Variants in CSMD3 observed in about 807,000 individuals in gnomAD.
CSMD3 encodes the protein CUB and Sushi multiple domains 3, also known as CUB and sushi domain-containing protein 3.
CSMD3 carries 177 observed loss-of-function variants against 435.2 expected under a neutral mutation model. That is an observed-to-expected ratio of 0.41 (90% CI 0.36 to 0.46). CSMD3 has a LOEUF of 0.46. Among genes scored for constraint, CSMD3 ranks in the 20% least tolerant of loss-of-function variants. The pLI is 0.34. For missense variants in CSMD3, 4,265 were observed against 4,504.6 expected (o/e 0.95, Z 1.52); for synonymous variants, 1,656 against 1,520.5 (o/e 1.09, Z -2.07).
intron 12 of CSMD3, among the ~76,000 whole-genome samples, chr8:112,819,399 A>G (rs910886038): frequency 6.6e-6 from 1 of 152,192 alleles, no homozygotes; most frequent in African/African-American, 2.4e-5. Flanking sequence ...GAGAAATCAT[A>G]TAAGTCTTAA....
intron 13 of CSMD3, among the ~76,000 whole-genome samples, chr8:112,761,149 A>T (rs909601395): frequency 6.6e-6 from 1 of 152,126 alleles, no homozygotes; most frequent in African/African-American, 2.4e-5. Context: ...ATTTACTAAC[A>T]TAGAGCCAAC....
At chr8:112,335,901 T>G (rs1824513601) in intron 44 of CSMD3, among the ~76,000 whole-genome samples, 1 of 152,080 alleles carries the variant, frequency 6.6e-6, no homozygotes, top group Non-Finnish European at 1.5e-5. Context: ...GATACTTTCT[T>G]TAATACATTT....
chr8:113,236,439 A>G (rs149761389), intron 3 of CSMD3, among the ~76,000 whole-genome samples: 1 of 152,164 alleles, frequency 6.6e-6, no homozygotes, highest in African/African-American at 2.4e-5. Context: ...GCCTACCAGC[A>G]GCACAATAAG....
At chr8:112,929,245 G>C (rs1234492270) in intron 9 of CSMD3, among the ~76,000 whole-genome samples, 3 of 117,792 alleles carry the variant, frequency 2.5e-5, no homozygotes, top group East Asian at 6.0e-4. Flanking sequence ...GGGGAGGGGG[G>C]AGGGATAGCA....
intron 5 of CSMD3, among the ~76,000 whole-genome samples, chr8:113,027,305 C>A (rs1018181941): frequency 6.6e-6 from 1 of 151,892 alleles, no homozygotes; most frequent in Non-Finnish European, 1.5e-5. Flanking sequence ...ATTTTATAGT[C>A]CCAAGAAAAA....
At chr8:112,883,883 A>C (rs527313763) in intron 10 of CSMD3, among the ~76,000 whole-genome samples, 1 of 151,944 alleles carries the variant, frequency 6.6e-6, no homozygotes, top group African/African-American at 2.4e-5. Flanking sequence ...TCAGTACCTT[A>C]ATAAAACCAA....
chr8:113,136,791 A>G (rs112744202), intron 4 of CSMD3, among the ~76,000 whole-genome samples: 9 of 151,772 alleles, frequency 5.9e-5, no homozygotes, highest in African/African-American at 1.9e-4. Flanking sequence ...GACTGGGGAT[A>G]CTGGAGAATG....
chr8:112,609,201 C>CAAAAAAAAGAAAA (rs1833046672), intron 22 of CSMD3, among the ~76,000 whole-genome samples: 1 of 43,106 alleles, frequency 2.3e-5, no homozygotes, highest in African/African-American at 9.5e-5. Context: ...GATACTGCCT[C>CAAAAAAAAGAAAA]AAAAAAAAAA....
intron 2 of CSMD3, among the ~76,000 whole-genome samples, chr8:113,279,489 A>G (rs1016932155): frequency 6.6e-6 from 1 of 151,718 alleles, no homozygotes; most frequent in African/African-American, 2.4e-5. Context: ...TTGAAGCAAT[A>G]TTTAGAACAC....
intron 24 of CSMD3, among the ~76,000 whole-genome samples, chr8:112,571,992 G>A (rs1008850016): frequency 6.6e-6 from 1 of 151,114 alleles, no homozygotes; most frequent in Non-Finnish European, 1.5e-5. Context: ...AAAATCATCA[G>A]TGGCCCTTTT....
chr8:113,417,416 A>G (rs1404883617), intron 1 of CSMD3, among the ~76,000 whole-genome samples: 4 of 152,002 alleles, frequency 2.6e-5, no homozygotes, highest in East Asian at 1.9e-4. Flanking sequence ...TACAAAAGTT[A>G]TGATGGTAAA....
chr8:112,356,993 A>C (rs530474356), intron 38 of CSMD3, among the ~76,000 whole-genome samples: 1 of 152,302 alleles, frequency 6.6e-6, no homozygotes, highest in African/African-American at 2.4e-5. Flanking sequence ...AAAGATACTC[A>C]AAAATGTGGC....
chr8:112,434,764 T>A (rs1476727072), intron 32 of CSMD3, among the ~76,000 whole-genome samples: 2 of 152,072 alleles, frequency 1.3e-5, no homozygotes, highest in Non-Finnish European at 2.9e-5. Flanking sequence ...AAAAACACTT[T>A]AACAAATTCT....
At chr8:113,216,612 A>G (rs147490602) in intron 3 of CSMD3, among the ~76,000 whole-genome samples, 133 of 152,124 alleles carry the variant, frequency 8.7e-4, no homozygotes, top group Non-Finnish European at 1.4e-3. Context: ...GACAAACAAT[A>G]TAAGTCAAGG....
intron 8 of CSMD3, among the ~76,000 whole-genome samples, chr8:112,954,113 G>T (rs898069147): frequency 6.6e-6 from 1 of 151,410 alleles, no homozygotes; most frequent in Non-Finnish European, 1.5e-5. Context: ...TCAGAGCCCT[G>T]ATTTTGTAAG....
At chr8:113,181,383 G>T (rs961839539) in intron 3 of CSMD3, among the ~76,000 whole-genome samples, 1 of 152,014 alleles carries the variant, frequency 6.6e-6, no homozygotes, top group South Asian at 2.1e-4. Flanking sequence ...TGTGGATACA[G>T]ATAAGGTCCA....
intron 1 of CSMD3, among the ~76,000 whole-genome samples, chr8:113,398,891 G>A (rs1210777633): frequency 6.6e-6 from 1 of 151,832 alleles, no homozygotes; most frequent in Admixed American, 6.6e-5. Flanking sequence ...TGGAAAAATG[G>A]TGATGAAACT....
intron 22 of CSMD3, among the ~76,000 whole-genome samples, chr8:112,587,661 T>C (rs1830844998): frequency 1.3e-5 from 2 of 151,950 alleles, no homozygotes; most frequent in South Asian, 4.1e-4. Flanking sequence ...TTAATTAATT[T>C]GACCCTTCTT....
At chr8:112,644,966 T>C (rs1563805612) in intron 20 of CSMD3, 143 bp downstream of exon 20, 2 of 677,814 alleles carry the variant, frequency 3.0e-6, no homozygotes. Context: ...GTGGCAATTA[T>C]TTAAATTGAA....
Sources: gnomAD v4.1 joint callset for allele counts (sites outside exome capture counted in the v4.1 genomes callset) on GRCh38, gnomAD v4.1.1 for gene constraint, MANE v1.5 for transcripts, NCBI Gene and HGNC (gene_info 2026-07-23, HGNC 2026-07-21) for gene names.